RBMS1: variants seen among roughly 807,000 people sequenced by gnomAD.
RBMS1 encodes RNA binding motif single stranded interacting protein 1, also known as RNA-binding motif, single-stranded-interacting protein 1.
In RBMS1, 17 loss-of-function variants were observed where a neutral mutation model predicts 62.3. The observed-to-expected ratio is 0.27, with a 90% CI of 0.19 to 0.41. The LOEUF (loss-of-function observed/expected upper bound fraction) is 0.41. RBMS1 is among the 10% of genes least tolerant of loss of function. RBMS1 has a pLI of 1.00. For missense variants in RBMS1, 334 were observed against 504.5 expected, an observed-to-expected ratio of 0.66 and a Z score of 3.24; for synonymous variants, 172 against 170.0, an observed-to-expected ratio of 1.01 and a Z score of -0.09.
intron 1 of RBMS1, among the ~76,000 whole-genome samples, chr2:160,475,970 C>T (rs951477267): frequency 5.9e-5 from 9 of 151,872 alleles, no homozygotes; most frequent in African/African-American, 2.2e-4. Context: ...AATCCTCCCG[C>T]CTCAGCCTGT....
chr2:160,303,443 T>C lies in RBMS1; in HGVS notation c.447A>G (p.Pro149=). ...DPTNLYISNL[P]LSMDEQELEN... ...CTAGTTCTTGCTCATCCATGGAGAG[T>C]GGCAAATTAGAAATGTAGAGGTTGG... is the stretch of plus-strand genomic sequence containing the variant. Residue 149 remains proline, a synonymous_variant, in exon 5 of 14, where the codon CCA becomes CCG. Coordinates refer to ENST00000348849, the MANE Select transcript of RBMS1 (RefSeq NM_016836.4). 2.5e-6 allele frequency: 4 copies of C among 1,613,096 alleles called. No homozygotes were observed. The highest frequency in any genetic ancestry group is 1.7e-6 in the Non-Finnish European group (2 of 1,179,540).
intron 1 of RBMS1, among the ~76,000 whole-genome samples, chr2:160,390,002 T>C (rs781781641): frequency 3.7e-4 from 57 of 152,308 alleles, no homozygotes; most frequent in Admixed American, 9.8e-4. Flanking sequence ...CTTACAGAAT[T>C]GCAGCTCTGT....
At chr2:160,299,007 T>G (rs1689077890) in intron 6 of RBMS1, among the ~76,000 whole-genome samples, 1 of 152,020 alleles carries the variant, frequency 6.6e-6, no homozygotes, top group South Asian at 2.1e-4. Flanking sequence ...CCAACCCTGC[T>G]GACATCTTGA....
At chr2:160,343,856 A>T (rs1692029417) in intron 2 of RBMS1, among the ~76,000 whole-genome samples, 1 of 152,214 alleles carries the variant, frequency 6.6e-6, no homozygotes, top group South Asian at 2.1e-4. Flanking sequence ...TATTTTTCAA[A>T]GTTCAAGAAC....
chr2:160,473,621 T>A (rs943146304), intron 1 of RBMS1, among the ~76,000 whole-genome samples: 1 of 152,176 alleles, frequency 6.6e-6, no homozygotes, highest in Non-Finnish European at 1.5e-5. Flanking sequence ...CAGACTTCCA[T>A]CTTATAATTG....
intron 1 of RBMS1, among the ~76,000 whole-genome samples, chr2:160,426,218 G>GAAAGAAAGA (rs71408120): frequency 2.1e-5 from 1 of 48,676 alleles, no homozygotes; most frequent in Non-Finnish European, 4.1e-5. Flanking sequence ...GAGAGAGACA[G>GAAAGAAAGA]AAGAAAGAAA....
At chr2:160,408,735 C>T (rs546142356) in intron 1 of RBMS1, 1 of 152,314 alleles carries the variant, frequency 6.6e-6, no homozygotes, top group Admixed American at 6.5e-5. Flanking sequence ...GCTGCTCAAG[C>T]CGTCCCTTTT....
intron 6 of RBMS1, among the ~76,000 whole-genome samples, chr2:160,295,179 A>G (rs1688875638): frequency 6.6e-6 from 1 of 152,216 alleles, no homozygotes; most frequent in African/African-American, 2.4e-5. Context: ...ATTCATGCCT[A>G]AAGGCAATTT....
intron 2 of RBMS1, among the ~76,000 whole-genome samples, chr2:160,349,825 G>T (rs573951092): frequency 1.3e-5 from 2 of 151,142 alleles, no homozygotes; most frequent in African/African-American, 4.9e-5. Flanking sequence ...CAAGCAAAGC[G>T]GGGTGGGGGG....
At chr2:160,450,563 T>TAAAAAAAAAAAAA (rs71006605) in intron 1 of RBMS1, among the ~76,000 whole-genome samples, 1 of 122,392 alleles carries the variant, frequency 8.2e-6, no homozygotes, top group Non-Finnish European at 1.6e-5. Flanking sequence ...AAATAAAAAA[T>TAAAAAAAAAAAAA]GAAAAAAAAA....
chr2:160,440,736 C>T (rs925764267), intron 1 of RBMS1, among the ~76,000 whole-genome samples: 6 of 152,164 alleles, frequency 3.9e-5, no homozygotes, highest in African/African-American at 1.2e-4. Context: ...ATAGCACAGA[C>T]GTATTTGTGC....
intron 1 of RBMS1, among the ~76,000 whole-genome samples, chr2:160,381,185 G>A (rs1168749394): frequency 6.6e-6 from 1 of 151,962 alleles, no homozygotes; most frequent in African/African-American, 2.4e-5. Context: ...TGCAAATCCT[G>A]GATAGCAGTC....
chr2:160,294,722 T>C (rs1182427433), intron 6 of RBMS1, among the ~76,000 whole-genome samples: 1 of 152,238 alleles, frequency 6.6e-6, no homozygotes, highest in Non-Finnish European at 1.5e-5. Flanking sequence ...CAGATAATTC[T>C]GCTTACGCCA....
intron 1 of RBMS1, among the ~76,000 whole-genome samples, chr2:160,454,082 T>G (rs1459633538): frequency 6.6e-6 from 1 of 152,232 alleles, no homozygotes; most frequent in Non-Finnish European, 1.5e-5. Flanking sequence ...TCTATCAAAG[T>G]AGAAGCCATA....
At chr2:160,401,008 C>A (rs1327613590) in intron 1 of RBMS1, among the ~76,000 whole-genome samples, 1 of 151,902 alleles carries the variant, frequency 6.6e-6, no homozygotes, top group African/African-American at 2.4e-5. Context: ...TTTTCACTGT[C>A]TTTTTCTTGA....
At chr2:160,409,882 AAAAG>A (rs1429365134) in intron 1 of RBMS1, among the ~76,000 whole-genome samples, 1 of 152,214 alleles carries the variant, frequency 6.6e-6, no homozygotes, top group Non-Finnish European at 1.5e-5. Flanking sequence ...TTAGAAAACT[AAAAG>A]AATTCTAATA....
Position 160,306,608 on chromosome 2 carries a change from T to C in RBMS1, c.403-3121A>G, listed in dbSNP as rs1364406395. ...TATCTTACAAACATTGTCCACAAAG[T>C]TGCAGTAATTTAAAAAAAAAAAAGA... On this transcript the variant is annotated intron_variant, in intron 4 of 13. Transcript: ENST00000348849. 2.6e-5 allele frequency among the ~76,000 whole-genome samples: 4 copies of C among 151,720 alleles called. 1 individual carries two copies. The East Asian group carries it at 5.8e-4, about 22-fold the overall frequency.
Position 160,318,293 on chromosome 2 carries a change from C to T in RBMS1, c.252-66G>A, listed in dbSNP as rs533821626. 4.3e-5 allele frequency: 63 copies of T among 1,454,148 alleles called. No homozygotes were observed. In the South Asian group the frequency reaches 8.3e-4, roughly 19 times the overall value. 90.1% of individuals were successfully genotyped at this position (1,454,148 alleles called of 1,614,324 possible). On this transcript the variant is annotated intron_variant, in intron 2 of 13. Coordinates refer to ENST00000348849, the MANE Select transcript of RBMS1 (RefSeq NM_016836.4). ...AAAGAAAAAGAAGTTATAAGGAACC[C>T]TTATTAATGCCTAAATCCAAAGAAC...
intron 9 of RBMS1, 24 bp from the exon 10 acceptor site, chr2:160,281,388 G>T: frequency 1.3e-6 from 2 of 1,575,526 alleles, no homozygotes; most frequent in Non-Finnish European, 1.7e-6. Context: ...GATTTTGAAA[G>T]AAATATTGAT....
Sources: allele counts gnomAD v4.1 joint callset (sites outside exome capture counted in the v4.1 genomes callset), GRCh38; gene constraint gnomAD v4.1.1; transcripts MANE v1.5; gene names NCBI Gene and HGNC (gene_info 2026-07-23, HGNC 2026-07-21).